The following TBC1D5 variants were observed in gnomAD, a reference collection of about 807,000 sequenced individuals.
TBC1D5 encodes the protein TBC1 domain family, member 5.
TBC1D5 carries 75 observed loss-of-function variants against 100.3 expected under a neutral mutation model. That is an observed-to-expected ratio of 0.75 (90% CI 0.62 to 0.91). TBC1D5 has a LOEUF of 0.91. Ranked by LOEUF, TBC1D5 falls within the 40% of genes least tolerant of loss-of-function variation. The probability of loss-of-function intolerance (pLI) is 0.00; values close to 1 mark genes in which losing one functional copy is unlikely to be tolerated. For missense variants in TBC1D5, 910 were observed against 942.4 expected, an observed-to-expected ratio of 0.97 and a Z score of 0.45; for synonymous variants, 323 against 325.6, an observed-to-expected ratio of 0.99 and a Z score of 0.09.
chr3:17,366,305 AAAAAAAAC>A lies in TBC1D5; in HGVS notation c.995+5762_995+5769del, dbSNP rs1409841394. ...AGACCCCCTCTCAAACAAACAAACA[AAAAAAAAC>A]AAAAAAACAAAAAACAAACAAAAAA... On this transcript the variant is annotated intron_variant, in intron 13 of 21. Coordinates refer to ENST00000253692, the Ensembl canonical transcript of TBC1D5. 7.2e-5 allele frequency among the ~76,000 whole-genome samples: 11 copies of A among 151,996 alleles called. No homozygotes were observed. The South Asian group carries it at 1.5e-3, about 20-fold the overall frequency.
intron 2 of TBC1D5, among the ~76,000 whole-genome samples, chr3:17,591,905 T>A (rs1432149164): frequency 6.6e-6 from 1 of 152,198 alleles, no homozygotes; most frequent in Admixed American, 6.5e-5. Flanking sequence ...TCCCACTACA[T>A]CCCCATTCAA....
chr3:17,379,125 A>AT, intron 9 of TBC1D5, among the ~76,000 whole-genome samples: 1 of 148,362 alleles, frequency 6.7e-6, no homozygotes, highest in Middle Eastern at 3.3e-3. Context: ...TGATGATTCT[A>AT]TTTTTTTATT....
intron 4 of TBC1D5, among the ~76,000 whole-genome samples, chr3:17,427,698 T>C (rs988298141): frequency 6.6e-6 from 1 of 151,938 alleles, no homozygotes. Context: ...TCTATAATGT[T>C]AAAATGTATT....
chr3:17,416,374 A>T (rs551914692), intron 4 of TBC1D5, among the ~76,000 whole-genome samples: 65 of 152,352 alleles, frequency 4.3e-4, no homozygotes, highest in African/African-American at 1.4e-3. Flanking sequence ...TGAAATCCAA[A>T]TTTAAATAGC....
intron 16 of TBC1D5, among the ~76,000 whole-genome samples, chr3:17,254,967 T>C (rs1243961970): frequency 6.6e-6 from 1 of 152,136 alleles, no homozygotes; most frequent in Non-Finnish European, 1.5e-5. Context: ...GTTTGAAAAA[T>C]ACTAAATTTA....
chr3:17,673,966 G>T (rs768386032), intron 1 of TBC1D5, among the ~76,000 whole-genome samples: 4 of 152,120 alleles, frequency 2.6e-5, no homozygotes, highest in Non-Finnish European at 5.9e-5. Flanking sequence ...TCTCTCATTT[G>T]CTATGAGAAC....
At chr3:17,654,281 G>C (rs1359791430) in intron 1 of TBC1D5, among the ~76,000 whole-genome samples, 1 of 151,974 alleles carries the variant, frequency 6.6e-6, no homozygotes. Flanking sequence ...ATCAGATTTA[G>C]TTTTACTTTA....
chr3:17,295,548 C>A (rs2082159334), intron 14 of TBC1D5, among the ~76,000 whole-genome samples: 1 of 152,184 alleles, frequency 6.6e-6, no homozygotes. Flanking sequence ...AAAGTGAAAT[C>A]AGTAATGATA....
chr3:17,467,723 A>T (rs963943639), intron 3 of TBC1D5, among the ~76,000 whole-genome samples: 48 of 151,604 alleles, frequency 3.2e-4, no homozygotes, highest in African/African-American at 1.1e-3. Context: ...AAAAATACAA[A>T]AATAATAATA....
intron 1 of TBC1D5, among the ~76,000 whole-genome samples, chr3:17,643,177 T>C (rs972163684): frequency 6.6e-6 from 1 of 152,114 alleles, no homozygotes; most frequent in African/African-American, 2.4e-5. Flanking sequence ...TGCTAGTCCG[T>C]TATTTTGTAG....
intron 2 of TBC1D5, among the ~76,000 whole-genome samples, chr3:17,521,665 GA>G (rs763121225): frequency 1.2e-4 from 18 of 151,998 alleles, no homozygotes; most frequent in Non-Finnish European, 2.2e-4. Flanking sequence ...TTTGGGGGGG[GA>G]AATCCAAAGA....
At chr3:17,604,694 G>T (rs367726133) in intron 2 of TBC1D5, among the ~76,000 whole-genome samples, 2 of 152,052 alleles carry the variant, frequency 1.3e-5, no homozygotes, top group African/African-American at 4.8e-5. Context: ...TTTTGGTTTG[G>T]TTTTGAGACA....
chr3:17,175,338 G>A (rs959670816), intron 19 of TBC1D5, among the ~76,000 whole-genome samples: 3 of 152,032 alleles, frequency 2.0e-5, no homozygotes, highest in Non-Finnish European at 4.4e-5. Context: ...CTGAGTAAGC[G>A]TGGCACAGAG....
intron 18 of TBC1D5, among the ~76,000 whole-genome samples, chr3:17,196,941 A>C (rs1346707022): frequency 6.6e-6 from 1 of 152,242 alleles, no homozygotes; most frequent in Admixed American, 6.5e-5. Context: ...ACACAACATC[A>C]TCCTCAAGAA....
At chr3:17,426,758 ATTTCT>A (rs944348488) in intron 4 of TBC1D5, among the ~76,000 whole-genome samples, 4 of 152,062 alleles carry the variant, frequency 2.6e-5, no homozygotes, top group Non-Finnish European at 5.9e-5. Flanking sequence ...ACATGAAAAC[ATTTCT>A]TTTAACTTTA....
chr3:17,352,487 A>C (rs1236249126), intron 13 of TBC1D5, among the ~76,000 whole-genome samples: 1 of 151,898 alleles, frequency 6.6e-6, no homozygotes, highest in Non-Finnish European at 1.5e-5. Flanking sequence ...ATCCCACACT[A>C]GATTTGTTTT....
chr3:17,288,095 G>A lies in TBC1D5; in HGVS notation c.1245+3800C>T, dbSNP rs2081345528. 4.6e-5 allele frequency among the ~76,000 whole-genome samples: 7 copies of A among 152,140 alleles called. No homozygotes were observed. The South Asian group carries it at 1.5e-3, about 32-fold the overall frequency. On this transcript the variant is annotated intron_variant, in intron 15 of 21. Coordinates refer to ENST00000253692, the Ensembl canonical transcript of TBC1D5. ...TTGCTATTAATAGAAAACATTTAAA[G>A]CACTATGATGTCTGAATTTTTAGAG... is the stretch of plus-strand genomic sequence containing the variant.
At chr3:17,537,999 A>G (rs1185347481) in intron 2 of TBC1D5, among the ~76,000 whole-genome samples, 2 of 152,194 alleles carry the variant, frequency 1.3e-5, no homozygotes, top group Non-Finnish European at 2.9e-5. Flanking sequence ...ACATCAATCA[A>G]TACATGTAAG....
chr3:17,301,183 T>C (rs191247989), intron 14 of TBC1D5, among the ~76,000 whole-genome samples: 59 of 152,304 alleles, frequency 3.9e-4, no homozygotes, highest in African/African-American at 1.2e-3. Context: ...CAATTTTTTA[T>C]AGTGTTTTAG....
Sources: gnomAD v4.1 joint callset for allele counts (sites outside exome capture counted in the v4.1 genomes callset) on GRCh38, gnomAD v4.1.1 for gene constraint, MANE v1.5 for transcripts, NCBI Gene and HGNC (gene_info 2026-07-23, HGNC 2026-07-21) for gene names.